Variants in ANGPT1 observed in about 807,000 individuals in gnomAD.
ANGPT1 encodes the protein angiopoietin-1.
ANGPT1 carries 17 observed loss-of-function variants against 62.2 expected under a neutral mutation model. The observed-to-expected ratio is 0.27, with a 90% CI of 0.19 to 0.41. The LOEUF (loss-of-function observed/expected upper bound fraction) is 0.41. Ranked by LOEUF, ANGPT1 falls within the 10% of genes least tolerant of loss-of-function variation. ANGPT1 has a pLI of 1.00. For synonymous variants in ANGPT1, 199 were observed against 198.9 expected (o/e 1.00, Z 0.00); for missense variants, 478 against 594.9 (o/e 0.80, Z 2.04).
chr8:107,267,976 T>G (rs1046218203), intron 7 of ANGPT1, among the ~76,000 whole-genome samples: 1 of 152,158 alleles, frequency 6.6e-6, no homozygotes, highest in Non-Finnish European at 1.5e-5. Context: ...TTAAGATTTG[T>G]TCCAAGTATA....
At position 107,390,902 on chromosome 8, in the gene ANGPT1, C is replaced by T. The variant is rs184216901; in HGVS notation, c.298-43805G>A. Reference sequence around the variant, plus strand: ...GGCTTCAGAATCCATGGTCTGCTGCCTCTGCTACTTATCCCTTCATTATTA... The same window carrying T: ...GGCTTCAGAATCCATGGTCTGCTGCTTCTGCTACTTATCCCTTCATTATTA... On this transcript the variant is annotated intron_variant, in intron 1 of 8. Coordinates refer to ENST00000517746, the MANE Select transcript of ANGPT1 (RefSeq NM_001146.5). Among the ~76,000 whole-genome samples the T allele has an allele frequency of 2.3e-3, 344 of 152,168 alleles. 2 individuals are homozygous for T. The highest frequency in any genetic ancestry group is 8.2e-3 in the African/African-American group (341 of 41,510).
intron 1 of ANGPT1, among the ~76,000 whole-genome samples, chr8:107,454,423 C>A (rs932789065): frequency 6.6e-5 from 10 of 152,058 alleles, no homozygotes; most frequent in East Asian, 3.9e-4. Context: ...TCACTTAGAA[C>A]AAGTTTTGAA....
At position 107,250,322 on chromosome 8, in the gene ANGPT1, C is replaced by T. The variant is rs553725542; in HGVS notation, c.*1533G>A. On this transcript the variant is annotated 3_prime_UTR_variant, in exon 9 of 9. Transcript: ENST00000517746. The stretch of plus-strand genomic sequence containing the variant: ...AAATAATGCAGTAACTTCAAGCACC[C>T]CAAAAATTCACTTAAAATACATTAT... The T allele has an allele frequency of 1.3e-5, 2 of 152,156 alleles. No individual in the cohort carries two copies. The highest frequency in any genetic ancestry group is 3.9e-4 in the East Asian group (2 of 5,178). 9.4% of individuals were successfully genotyped at this position (152,156 alleles called of 1,614,324 possible). A position where few individuals can be genotyped will look rare whatever the true frequency, so the allele number is the denominator to read the frequency against.
chr8:107,264,780 T>C (rs1319752794), intron 7 of ANGPT1, among the ~76,000 whole-genome samples: 2 of 152,222 alleles, frequency 1.3e-5, no homozygotes, highest in Non-Finnish European at 2.9e-5. Context: ...TGCCAGGCAC[T>C]ATGTTAAATG....
intron 1 of ANGPT1, among the ~76,000 whole-genome samples, chr8:107,420,211 T>C (rs1810862318): frequency 6.6e-6 from 1 of 152,318 alleles, no homozygotes; most frequent in Non-Finnish European, 1.5e-5. Context: ...TTATTATTTA[T>C]AGGTGCAAAA....
chr8:107,344,501 G>T (rs964918333), intron 2 of ANGPT1, among the ~76,000 whole-genome samples: 7 of 152,154 alleles, frequency 4.6e-5, no homozygotes, highest in African/African-American at 1.7e-4. Flanking sequence ...TATCTTTCCT[G>T]ATCATGACAC....
chr8:107,252,759 T>C (rs1412650420), intron 8 of ANGPT1, among the ~76,000 whole-genome samples: 1 of 152,210 alleles, frequency 6.6e-6, no homozygotes, highest in African/African-American at 2.4e-5. Context: ...TAGCTCTCTA[T>C]AAGGATAACT....
At chr8:107,339,073 T>A (rs1216661520) in intron 2 of ANGPT1, among the ~76,000 whole-genome samples, 1 of 152,194 alleles carries the variant, frequency 6.6e-6, no homozygotes, top group Non-Finnish European at 1.5e-5. Flanking sequence ...AGTATTCTCC[T>A]CCATGTCCAT....
intron 1 of ANGPT1, among the ~76,000 whole-genome samples, chr8:107,360,980 A>G (rs1036174308): frequency 2.0e-5 from 3 of 152,198 alleles, no homozygotes; most frequent in Admixed American, 2.0e-4. Flanking sequence ...TTATGGCCAC[A>G]TTAATTATCT....
chr8:107,349,423 G>C (rs956012594), intron 1 of ANGPT1, among the ~76,000 whole-genome samples: 1 of 152,018 alleles, frequency 6.6e-6, no homozygotes, highest in African/African-American at 2.4e-5. Context: ...AAATTTCAGG[G>C]AGGAAAACGT....
intron 1 of ANGPT1, among the ~76,000 whole-genome samples, chr8:107,394,041 TC>T (rs1271345288): frequency 6.6e-6 from 1 of 152,160 alleles, no homozygotes; most frequent in African/African-American, 2.4e-5. Context: ...AGCCCATTCA[TC>T]CTGAGGAAAT....
intron 1 of ANGPT1, among the ~76,000 whole-genome samples, chr8:107,357,952 G>C (rs964128709): frequency 6.6e-6 from 1 of 152,072 alleles, no homozygotes; most frequent in Non-Finnish European, 1.5e-5. Context: ...TTTCATTTAT[G>C]CTACATCTTT....
At chr8:107,405,896 G>A (rs904336902) in intron 1 of ANGPT1, among the ~76,000 whole-genome samples, 4 of 151,676 alleles carry the variant, frequency 2.6e-5, no homozygotes, top group Non-Finnish European at 5.9e-5. Flanking sequence ...TTCATCTACT[G>A]TAAATCAAAT....
rs186327928 is a variant in ANGPT1 at position 107,445,950 on chromosome 8, C to T, written c.297+51312G>A. On this transcript the variant is annotated intron_variant, in intron 1 of 8. Coordinates refer to ENST00000517746, the MANE Select transcript of ANGPT1 (RefSeq NM_001146.5). ...TTATGTATTTTGAGATGAAGTCTAG[C>T]TCTGTCACCCAGGCTGGAGTGCAGT... Among the ~76,000 whole-genome samples, 176 of 152,218 alleles carry T rather than the reference C, an allele frequency of 1.2e-3. 2 individuals carry two copies. The highest frequency in any genetic ancestry group is 1.9e-3 in the Non-Finnish European group (131 of 68,024).
In ANGPT1 at chr8:107,436,128, A is replaced by C. The variant is rs979080201; in HGVS notation, c.297+61134T>G. On this transcript the variant is annotated intron_variant, in intron 1 of 8. Coordinates refer to ENST00000517746, the MANE Select transcript of ANGPT1 (RefSeq NM_001146.5). Reference sequence around the variant, plus strand: ...TCTATGTTGCCCAGGCTGGTCTCCAACTCCTGAGCACTAGCAATCCCCCTG... The same window carrying C: ...TCTATGTTGCCCAGGCTGGTCTCCACCTCCTGAGCACTAGCAATCCCCCTG... Among the ~76,000 whole-genome samples, 6 of 151,860 alleles carry C rather than the reference A, an allele frequency of 4.0e-5. No homozygotes were observed. The East Asian group carries it at 1.2e-3, about 29-fold the overall frequency.
chr8:107,306,287 C>T (rs892647304), intron 4 of ANGPT1, among the ~76,000 whole-genome samples: 1 of 152,000 alleles, frequency 6.6e-6, no homozygotes, highest in Non-Finnish European at 1.5e-5. Context: ...ATTGAATTAG[C>T]CTCTCCTGGT....
intron 1 of ANGPT1, among the ~76,000 whole-genome samples, chr8:107,374,804 A>G (rs1484408690): frequency 6.6e-6 from 1 of 152,202 alleles, no homozygotes; most frequent in African/African-American, 2.4e-5. Flanking sequence ...CCTACTCTTC[A>G]CTGATAAAAA....
intron 3 of ANGPT1, among the ~76,000 whole-genome samples, chr8:107,325,800 T>C (rs1815273047): frequency 6.6e-6 from 1 of 152,146 alleles, no homozygotes; most frequent in African/African-American, 2.4e-5. Context: ...TTTTGATGTA[T>C]TCCTTGTTCA....
intron 1 of ANGPT1, 36 bp downstream of exon 1, chr8:107,497,226 G>A: frequency 1.9e-6 from 3 of 1,599,066 alleles, no homozygotes; most frequent in African/African-American, 2.7e-5. Context: ...AAAGGAAAAA[G>A]GTCCGTGCTA....
Sources: allele counts gnomAD v4.1 joint callset (sites outside exome capture counted in the v4.1 genomes callset), GRCh38; gene constraint gnomAD v4.1.1; transcripts MANE v1.5; gene names NCBI Gene and HGNC (gene_info 2026-07-23, HGNC 2026-07-21).